Variants in IHO1 observed in about 807,000 individuals in gnomAD.
The protein encoded by IHO1 is interactor of HORMAD1 1, also known as interactor of HORMAD1 protein 1.
A neutral mutation model predicts 31.0 loss-of-function variants in IHO1; 13 were observed. The ratio of observed to expected loss-of-function variants is 0.42; its 90% CI spans 0.27 to 0.67. The LOEUF (loss-of-function observed/expected upper bound fraction) is 0.67. Ranked by LOEUF, IHO1 falls within the 30% of genes least tolerant of loss-of-function variation. The probability of loss-of-function intolerance (pLI) is 0.24; values close to 1 mark genes in which losing one functional copy is unlikely to be tolerated. For missense variants in IHO1, 599 were observed against 687.5 expected (o/e 0.87, Z 1.44); for synonymous variants, 221 against 248.4 (o/e 0.89, Z 1.04).
chr3:49,220,432 C>T (rs1217193648), intron 2 of IHO1, among the ~76,000 whole-genome samples: 7 of 152,176 alleles, frequency 4.6e-5, no homozygotes, highest in Non-Finnish European at 8.8e-5. Flanking sequence ...AGTGTTACAG[C>T]TCTTAAAGAT....
chr3:49,191,614 T>A, the IHO1 span: 3 of 970,418 alleles, frequency 3.1e-6, no homozygotes, highest in Non-Finnish European at 4.9e-6. Flanking sequence ...GGAGAGGAAG[T>A]GGGCGGCTCA....
chr3:49,250,910 G>A (rs1218825636), intron 6 of IHO1, among the ~76,000 whole-genome samples: 5 of 151,946 alleles, frequency 3.3e-5, no homozygotes, highest in Non-Finnish European at 7.4e-5. Flanking sequence ...CATGCCTCCA[G>A]CTACTCAGGA....
At chr3:49,195,434 G>A (rs867270019), upstream of IHO1, among the ~76,000 whole-genome samples, 891 of 132,166 alleles carry the variant, frequency 6.7e-3, 9 homozygotes, top group African/African-American at 0.024. Context: ...AAAAAAAAAA[G>A]AGGCCAGTCG....
At chr3:49,227,406 G>T (rs543648892) in intron 2 of IHO1, among the ~76,000 whole-genome samples, 19 of 152,192 alleles carry the variant, frequency 1.2e-4, no homozygotes, top group African/African-American at 4.3e-4. Flanking sequence ...GTTTTGGTTT[G>T]TTTGTTTCTA....
At chr3:49,222,605 T>C (rs2046366430) in intron 2 of IHO1, among the ~76,000 whole-genome samples, 1 of 152,170 alleles carries the variant, frequency 6.6e-6, no homozygotes, top group African/African-American at 2.4e-5. Flanking sequence ...CTTAATAATA[T>C]TATGAAATAG....
At chr3:49,213,918 A>T (rs1050908101) in intron 2 of IHO1, 4 of 391,302 alleles carry the variant, frequency 1.0e-5, no homozygotes, top group African/African-American at 4.1e-5. Flanking sequence ...GGGCTCCTCA[A>T]GCATGGCCAG....
Position 49,257,168 on chromosome 3 carries a change from G to A in IHO1, c.1671G>A (p.Met557Ile), listed in dbSNP as rs1266079842. 1.9e-6 allele frequency: 3 copies of A among 1,614,190 alleles called. No homozygotes were observed. The highest frequency in any genetic ancestry group is 2.5e-6 in the Non-Finnish European group (3 of 1,180,042). ...GCAGTTCCCAGGGGGACCACCAGAT[G>A]AGCTGGTTCAGTGACCTCAATCTCG... The part of the protein sequence containing the change: ...LSSSSQGDHQ[M>I]SWFSDLNLGC... The change falls in exon 8 of 8, where the codon ATG becomes ATA. Residue 557 changes from methionine (M) to isoleucine (I), a missense_variant. Transcript: ENST00000452691.
chr3:49,222,780 C>T (rs150571080), intron 2 of IHO1, among the ~76,000 whole-genome samples: 10 of 152,148 alleles, frequency 6.6e-5, no homozygotes, highest in African/African-American at 9.6e-5. Flanking sequence ...TCCAATGGTT[C>T]GCAAGTTTAT....
In IHO1 at chr3:49,255,397, G is replaced by A. The variant is rs745498994; in HGVS notation, c.540G>A (p.Glu180=). The change falls in exon 7 of 8, where the codon GAG becomes GAA. Residue 180 remains glutamate (E), a synonymous_variant. Coordinates refer to ENST00000452691, the MANE Select transcript of IHO1 (RefSeq NM_001135197.2). ...TCACTGTTTTGTATTTAGTACAAGA[G>A]ACTATACAGGCCCAGAATGACCTGG... ...SLETVAKTLQ[E]TIQAQNDLVF... is the part of the protein sequence containing the mutation. 1 of 1,598,716 alleles carries A rather than the reference G, an allele frequency of 6.3e-7. No homozygotes were observed. The highest frequency in any genetic ancestry group is 2.3e-5 in the East Asian group (1 of 44,442).
chr3:49,194,119 T>C (rs1464645854), upstream of IHO1, among the ~76,000 whole-genome samples: 2 of 147,816 alleles, frequency 1.4e-5, no homozygotes, highest in African/African-American at 5.0e-5. Context: ...AATGGAAAAA[T>C]TAGCCAGGTG....
At chr3:49,195,153 C>T (rs1385828054), upstream of IHO1, among the ~76,000 whole-genome samples, 4 of 152,090 alleles carry the variant, frequency 2.6e-5, no homozygotes, top group Admixed American at 1.3e-4. Context: ...GCTGCAGTGG[C>T]TCTTGCCTGT....
rs1344280569 is a variant in IHO1 at position 49,257,418 on chromosome 3, C to T, written c.*136C>T. ...CCCTGCTGAGGTGGGGCAATGAGCA[C>T]GAGGGCAGGGAAGGTCCAGCATTCT... On this transcript the variant is annotated 3_prime_UTR_variant, in exon 8 of 8. Transcript: ENST00000452691. 2.3e-5 allele frequency: 19 copies of T among 831,334 alleles called. No homozygotes were observed. Among genetic ancestry groups the T allele is most frequent in the Middle Eastern group, 3.6e-4 (1 of 2,776 alleles). The allele number at this position is 831,334 out of a possible 1,614,324, so 51.5% of individuals were successfully genotyped here. A position where few individuals can be genotyped will look rare whatever the true frequency, so the allele number is the denominator to read the frequency against.
intron 2 of IHO1, among the ~76,000 whole-genome samples, chr3:49,222,725 T>G (rs533122273): frequency 1.3e-5 from 2 of 152,328 alleles, no homozygotes; most frequent in South Asian, 2.1e-4. Context: ...GGTAGGAGCC[T>G]TTTTAGTCTG....
At chr3:49,217,099 G>T (rs944922305) in intron 2 of IHO1, among the ~76,000 whole-genome samples, 1 of 152,228 alleles carries the variant, frequency 6.6e-6, no homozygotes, top group African/African-American at 2.4e-5. Flanking sequence ...CAAGGATCTG[G>T]AATAGAAATA....
intron 1 of IHO1, among the ~76,000 whole-genome samples, chr3:49,204,492 TC>T (rs1177273060): frequency 2.6e-5 from 4 of 152,022 alleles, no homozygotes; most frequent in Non-Finnish European, 4.4e-5. Flanking sequence ...TGTGAAGGGA[TC>T]CCCCCAAAAT....
intron 2 of IHO1, among the ~76,000 whole-genome samples, 177 bp downstream of exon 2, chr3:49,212,013 A>T (rs1274919784): frequency 1.3e-5 from 2 of 151,660 alleles, no homozygotes; most frequent in African/African-American, 4.8e-5. Context: ...ATACAAAAAA[A>T]TTTAGCCGGG....
intron 2 of IHO1, among the ~76,000 whole-genome samples, chr3:49,218,820 C>A (rs1044235348): frequency 2.6e-5 from 4 of 152,104 alleles, no homozygotes; most frequent in African/African-American, 4.8e-5. Context: ...TCGGCCTATT[C>A]CTTGACTAAA....
intron 2 of IHO1, among the ~76,000 whole-genome samples, chr3:49,213,443 C>T (rs895061490): frequency 6.6e-6 from 1 of 152,256 alleles, no homozygotes; most frequent in South Asian, 2.1e-4. Context: ...TTCTCCAAGT[C>T]CCCACTAGAC....
chr3:49,228,467 GAACAGAA>G (rs2107709081), intron 2 of IHO1: 1 of 339,876 alleles, frequency 2.9e-6, no homozygotes, highest in Non-Finnish European at 5.9e-6. Context: ...AGGAAAAATA[GAACAGAA>G]TAGCAAGCGA....
Sources: gnomAD v4.1 joint callset for allele counts (sites outside exome capture counted in the v4.1 genomes callset) on GRCh38, gnomAD v4.1.1 for gene constraint, MANE v1.5 for transcripts, NCBI Gene and HGNC (gene_info 2026-07-23, HGNC 2026-07-21) for gene names.